PRELID2: variants seen among roughly 807,000 people sequenced by gnomAD.
The protein encoded by PRELID2 is PRELI domain-containing protein 2.
PRELID2 carries 25 observed loss-of-function variants against 28.4 expected under a neutral mutation model. That is an observed-to-expected ratio of 0.88 (90% CI 0.64 to 1.23). The LOEUF (loss-of-function observed/expected upper bound fraction) is 1.23, where lower values mean the gene tolerates loss of function less well. Among genes scored for constraint, PRELID2 ranks in the 50% most tolerant of loss-of-function variants. The pLI, the probability that PRELID2 is intolerant of heterozygous loss-of-function variation, is 0.00. For synonymous variants in PRELID2, 76 were observed against 71.6 expected (o/e 1.06, Z -0.31); for missense variants, 201 against 214.4 (o/e 0.94, Z 0.39).
intron 1 of PRELID2, among the ~76,000 whole-genome samples, chr5:145,557,129 A>G (rs921790824): frequency 3.9e-5 from 6 of 152,224 alleles, no homozygotes; most frequent in Non-Finnish European, 7.3e-5. Flanking sequence ...TACCTGATAC[A>G]TAGTGAGTTC....
At chr5:145,382,084 T>C in the PRELID2 span, among the ~76,000 whole-genome samples, 2 of 151,756 alleles carry the variant, frequency 1.3e-5, no homozygotes, top group Non-Finnish European at 2.9e-5. Context: ...ACCCTTAAAA[T>C]ATAGAAATTC....
chr5:145,777,549 T>C (rs770952704), intron 5 of PRELID2, among the ~76,000 whole-genome samples: 1 of 152,216 alleles, frequency 6.6e-6, no homozygotes, highest in Non-Finnish European at 1.5e-5. Context: ...ATGATAATGA[T>C]GGCAGCAGCT....
chr5:145,742,408 C>G (rs1200095615), intron 1 of PRELID2, among the ~76,000 whole-genome samples: 10 of 140,670 alleles, frequency 7.1e-5, no homozygotes, highest in African/African-American at 2.6e-4. Context: ...AGAGTTTTTT[C>G]TAACTCAGTA....
intron 1 of PRELID2, among the ~76,000 whole-genome samples, chr5:145,495,767 T>C (rs1270175969): frequency 1.3e-5 from 2 of 152,228 alleles, no homozygotes; most frequent in Non-Finnish European, 2.9e-5. Context: ...TTAATTGTAC[T>C]CATTAGACTT....
the PRELID2 span, among the ~76,000 whole-genome samples, chr5:145,230,638 A>G: frequency 6.6e-6 from 1 of 152,178 alleles, no homozygotes; most frequent in Non-Finnish European, 1.5e-5. Context: ...ATTTGCCAAA[A>G]TAGGCTAGTA....
chr5:145,741,311 A>C, intron 1 of PRELID2, among the ~76,000 whole-genome samples: 1 of 79,044 alleles, frequency 1.3e-5, no homozygotes, highest in African/African-American at 5.2e-5. Context: ...TAAATAATTT[A>C]TTTATAAATA....
rs1004332610 is a variant in PRELID2, at chr5:145,757,859, T to C, written c.*2677A>G. On this transcript the variant is annotated 3_prime_UTR_variant, in exon 7 of 7. Transcript: ENST00000683046. ...GACCATAAAATTTCTAAGCCATATA[T>C]GTGAAGCTGGAAGCAATAGCTGCCT... Among the ~76,000 whole-genome samples, 12 of 148,508 alleles carry C rather than the reference T, an allele frequency of 8.1e-5. No individual in the cohort carries two copies. The highest frequency in any genetic ancestry group is 3.0e-4 in the African/African-American group (12 of 40,258).
chr5:145,277,498 T>C, the PRELID2 span, among the ~76,000 whole-genome samples: 3 of 152,180 alleles, frequency 2.0e-5, no homozygotes, highest in Non-Finnish European at 4.4e-5. Context: ...ATTCCATCCC[T>C]GTCCTTGTCT....
intron 5 of PRELID2, among the ~76,000 whole-genome samples, chr5:145,768,549 T>C (rs1389498165): frequency 1.3e-5 from 2 of 152,180 alleles, no homozygotes; most frequent in Non-Finnish European, 2.9e-5. Flanking sequence ...CTTCTTTCTA[T>C]TTTCAGGAAG....
the PRELID2 span, among the ~76,000 whole-genome samples, chr5:145,410,586 T>C: frequency 6.6e-6 from 1 of 152,132 alleles, no homozygotes; most frequent in African/African-American, 2.4e-5. Context: ...GAGTTCTGAT[T>C]GAAGGAGGAG....
intron 1 of PRELID2, among the ~76,000 whole-genome samples, chr5:145,640,725 T>C (rs951923864): frequency 6.6e-6 from 1 of 151,708 alleles, no homozygotes; most frequent in Non-Finnish European, 1.5e-5. Context: ...CAAGACAGCT[T>C]TGAAGTACAA....
intron 5 of PRELID2, among the ~76,000 whole-genome samples, chr5:145,786,883 C>T (rs1561606969): frequency 2.0e-5 from 3 of 152,162 alleles, no homozygotes; most frequent in Admixed American, 1.3e-4. Flanking sequence ...CCCAAGGAAA[C>T]TGCATATTCT....
At chr5:145,472,044 G>C (rs1752059372) in exon 3 of PRELID2, 1 of 152,122 alleles carries the variant, frequency 6.6e-6, no homozygotes, top group Non-Finnish European at 1.5e-5. Flanking sequence ...CATCTGATTG[G>C]CTTAGATCCA....
chr5:145,819,257 C>T (rs1754589244), intron 3 of PRELID2: 5 of 703,984 alleles, frequency 7.1e-6, no homozygotes, highest in Non-Finnish European at 1.3e-5. Context: ...TGAAACTACC[C>T]TCTGAGACCT....
intron 1 of PRELID2, among the ~76,000 whole-genome samples, chr5:145,722,903 C>T (rs1384249744): frequency 6.6e-6 from 1 of 152,066 alleles, no homozygotes; most frequent in African/African-American, 2.4e-5. Context: ...TGTATCAAGG[C>T]TATACCCCCC....
At chr5:145,393,356 C>T in the PRELID2 span, among the ~76,000 whole-genome samples, 2 of 152,088 alleles carry the variant, frequency 1.3e-5, no homozygotes, top group Non-Finnish European at 2.9e-5. Context: ...TGAAGCACCT[C>T]GGTGTGGGAA....
the PRELID2 span, among the ~76,000 whole-genome samples, chr5:145,353,008 C>T: frequency 4.6e-5 from 7 of 152,290 alleles, no homozygotes; most frequent in East Asian, 1.9e-4. Flanking sequence ...AACTTTCCCA[C>T]GTTTTCCTAT....
chr5:145,299,174 C>T, the PRELID2 span, among the ~76,000 whole-genome samples: 2 of 152,124 alleles, frequency 1.3e-5, no homozygotes, highest in African/African-American at 4.8e-5. Flanking sequence ...CATTTTGAAA[C>T]TAATCCCAAA....
the PRELID2 span, among the ~76,000 whole-genome samples, chr5:145,275,129 G>A: frequency 3.9e-5 from 6 of 152,170 alleles, no homozygotes; most frequent in East Asian, 9.7e-4. Context: ...CTGAGGTACT[G>A]GGTCTTAGGA....
Sources: allele counts gnomAD v4.1 joint callset (sites outside exome capture counted in the v4.1 genomes callset), GRCh38; gene constraint gnomAD v4.1.1; transcripts MANE v1.5; gene names NCBI Gene and HGNC (gene_info 2026-07-23, HGNC 2026-07-21).